Variants in DENND1A observed in about 807,000 individuals in gnomAD.
The protein encoded by DENND1A is DENN domain containing 1A.
Under a neutral mutation model 113.7 loss-of-function variants are expected in DENND1A, and 51 were observed. That is an observed-to-expected ratio of 0.45 (90% CI 0.36 to 0.57). DENND1A has a LOEUF of 0.57. Among genes scored for constraint, DENND1A ranks in the 20% least tolerant of loss-of-function variants. The pLI is 0.00. For synonymous variants in DENND1A, 565 were observed against 570.8 expected, an observed-to-expected ratio of 0.99 and a Z score of 0.14; for missense variants, 1,258 against 1,395.9, an observed-to-expected ratio of 0.90 and a Z score of 1.57.
chr9:123,926,790 C>A (rs933841089), intron 1 of DENND1A, among the ~76,000 whole-genome samples: 1 of 152,018 alleles, frequency 6.6e-6, no homozygotes, highest in Non-Finnish European at 1.5e-5. Flanking sequence ...ATGTGCCAGG[C>A]ATTGAGTCTG....
chr9:123,557,828 G>T, intron 12 of DENND1A, 133 bp from the exon 13 acceptor site: 1 of 1,059,706 alleles, frequency 9.4e-7, no homozygotes, highest in Non-Finnish European at 1.3e-6. Context: ...GTTACTGGGA[G>T]GACAAAAACG....
intron 18 of DENND1A, among the ~76,000 whole-genome samples, chr9:123,449,279 G>A (rs1268249531): frequency 2.0e-5 from 3 of 152,214 alleles, no homozygotes; most frequent in African/African-American, 2.4e-5. Flanking sequence ...GCTCACACCT[G>A]TAATCCCAGC....
intron 2 of DENND1A, among the ~76,000 whole-genome samples, chr9:123,865,124 C>T (rs796105547): frequency 1.2e-4 from 18 of 152,234 alleles, no homozygotes; most frequent in African/African-American, 3.9e-4. Flanking sequence ...CAGCACCTTT[C>T]GCATTTATAA....
intron 12 of DENND1A, among the ~76,000 whole-genome samples, chr9:123,575,438 C>T (rs2058584258): frequency 2.0e-5 from 3 of 152,196 alleles, no homozygotes; most frequent in Admixed American, 2.0e-4. Flanking sequence ...ACCCCTGTTG[C>T]AGAATGTTCC....
intron 13 of DENND1A, among the ~76,000 whole-genome samples, chr9:123,486,923 G>A (rs952760959): frequency 6.6e-6 from 1 of 152,166 alleles, no homozygotes; most frequent in Admixed American, 6.5e-5. Context: ...CCTGGGAGCC[G>A]ACTGGAGGAC....
intron 1 of DENND1A, among the ~76,000 whole-genome samples, chr9:123,929,069 A>G (rs1857573165): frequency 6.6e-6 from 1 of 152,200 alleles, no homozygotes; most frequent in Non-Finnish European, 1.5e-5. Flanking sequence ...CGAAAGCCAC[A>G]CACCCAAATT....
At position 123,676,229 on chromosome 9, in the gene DENND1A, C is replaced by T. The variant is rs188373664; in HGVS notation, c.372+491G>A. ...TGAATTTTTAACGTCATTTTCAGAC[C>T]CCTACAAAAGTTACTGTAAAAGCAC... is the stretch of plus-strand genomic sequence containing the variant. On this transcript the variant is annotated intron_variant, in intron 6 of 23. Transcript: ENST00000394215. Among the ~76,000 whole-genome samples, 82 of 152,132 alleles carry T rather than the reference C, an allele frequency of 5.4e-4. No homozygotes were observed. In the Middle Eastern group the frequency reaches 0.017, roughly 32 times the overall value.
At chr9:123,767,866 T>C (rs890156043) in intron 4 of DENND1A, among the ~76,000 whole-genome samples, 1 of 152,220 alleles carries the variant, frequency 6.6e-6, no homozygotes, top group Admixed American at 6.5e-5. Flanking sequence ...TAAAAATGTA[T>C]TCTCTTATTT....
chr9:123,381,775 A>AAGAGGTTGGGCATGGAGAGGGCGG lies in DENND1A; in HGVS notation c.2846_2869dup (p.Ser949_Leu956dup), dbSNP rs1177578951. On this transcript the variant is annotated inframe_insertion, in exon 24 of 24. Transcript: ENST00000394215. The surrounding 1 kb of genome is among the most constrained non-coding windows in gnomAD (Gnocchi z 4.7). The stretch of plus-strand genomic sequence containing the variant: ...GTGGGTGCCCATGGGCATCTGGCCA[A>AAGAGGTTGGGCATGGAGAGGGCGG]AGAGGTTGGGCATGGAGAGGGCGGA... 3 of 1,514,048 alleles carry AAGAGGTTGGGCATGGAGAGGGCGG rather than the reference A, an allele frequency of 2.0e-6. No individual in the cohort carries two copies. The highest frequency in any genetic ancestry group is 1.4e-5 in the African/African-American group (1 of 71,468). 93.8% of individuals were successfully genotyped at this position (1,514,048 alleles called of 1,614,324 possible).
At chr9:123,452,968 A>G (rs921690435) in intron 16 of DENND1A, among the ~76,000 whole-genome samples, 15 of 152,328 alleles carry the variant, frequency 9.8e-5, no homozygotes, top group Admixed American at 4.6e-4. Flanking sequence ...GTTAAATCCA[A>G]CACAGCAATT....
At chr9:123,874,676 G>A (rs1184234959) in intron 2 of DENND1A, among the ~76,000 whole-genome samples, 2 of 152,024 alleles carry the variant, frequency 1.3e-5, no homozygotes, top group Non-Finnish European at 2.9e-5. Context: ...TATAAGAAGG[G>A]GTTCAATCTC....
At chr9:123,392,091 G>T (rs2042884561) in intron 21 of DENND1A, among the ~76,000 whole-genome samples, 1 of 152,206 alleles carries the variant, frequency 6.6e-6, no homozygotes. Flanking sequence ...GCGCGCGCGT[G>T]TGACAGTGGT....
intron 11 of DENND1A, among the ~76,000 whole-genome samples, chr9:123,585,407 T>C (rs543913602): frequency 8.5e-5 from 13 of 152,348 alleles, no homozygotes; most frequent in African/African-American, 3.1e-4. Context: ...CAAAAGTAAT[T>C]GCAGTTTTTA....
At chr9:123,618,900 T>C (rs147759257) in intron 10 of DENND1A, among the ~76,000 whole-genome samples, 1 of 152,348 alleles carries the variant, frequency 6.6e-6, no homozygotes, top group Non-Finnish European at 1.5e-5. Flanking sequence ...TATAGACCTT[T>C]CGCTTTTTGC....
chr9:123,499,020 G>A (rs1250876883), intron 13 of DENND1A, among the ~76,000 whole-genome samples: 2 of 151,778 alleles, frequency 1.3e-5, no homozygotes, highest in African/African-American at 2.4e-5. Flanking sequence ...ACTGTGCCCC[G>A]CCTTTTTAAA....
intron 13 of DENND1A, among the ~76,000 whole-genome samples, chr9:123,509,327 C>T (rs1212409661): frequency 6.6e-6 from 1 of 152,202 alleles, no homozygotes; most frequent in Non-Finnish European, 1.5e-5. Context: ...CTGGACAGTA[C>T]ATGGAGTTGG....
chr9:123,662,073 G>A (rs1030659376), intron 8 of DENND1A, among the ~76,000 whole-genome samples: 6 of 152,130 alleles, frequency 3.9e-5, no homozygotes, highest in Admixed American at 6.5e-5. Context: ...AAACAGGCCC[G>A]TAGCAAGGCG....
At chr9:123,395,755 C>G (rs1330552438) in intron 21 of DENND1A, among the ~76,000 whole-genome samples, 2 of 152,126 alleles carry the variant, frequency 1.3e-5, no homozygotes, top group East Asian at 3.8e-4. Flanking sequence ...TACGCACGTC[C>G]TAATCACACC....
chr9:123,920,401 C>G (rs929297630), intron 1 of DENND1A, among the ~76,000 whole-genome samples: 5 of 152,146 alleles, frequency 3.3e-5, no homozygotes, highest in Non-Finnish European at 7.4e-5. Context: ...TGCACTCCAG[C>G]CTGGGCGACA....
Sources: allele counts gnomAD v4.1 joint callset (sites outside exome capture counted in the v4.1 genomes callset), GRCh38; gene constraint gnomAD v4.1.1; non-coding constraint Gnocchi (gnomAD v3.1); transcripts MANE v1.5; gene names NCBI Gene and HGNC (gene_info 2026-07-23, HGNC 2026-07-21).